MAP2K4: variants seen among roughly 807,000 people sequenced by gnomAD.
MAP2K4 encodes the protein dual specificity mitogen-activated protein kinase kinase 4.
A neutral mutation model predicts 48.5 loss-of-function variants in MAP2K4; 4 were observed. That is an observed-to-expected ratio of 0.08 (90% CI 0.04 to 0.19). MAP2K4 has a LOEUF of 0.19. Ranked by LOEUF, MAP2K4 falls within the 10% of genes least tolerant of loss-of-function variation. The pLI is 1.00. For synonymous variants in MAP2K4, 166 were observed against 173.1 expected (o/e 0.96, Z 0.32); for missense variants, 258 against 493.3 (o/e 0.52, Z 4.52).
At chr17:12,120,759 C>T (rs1312324904) in intron 7 of MAP2K4, among the ~76,000 whole-genome samples, 1 of 152,164 alleles carries the variant, frequency 6.6e-6, no homozygotes, top group African/African-American at 2.4e-5. Flanking sequence ...AGAGGACCCA[C>T]TTCTGGCCCC....
chr17:12,133,309 T>A (rs1003843336), intron 9 of MAP2K4, among the ~76,000 whole-genome samples: 2 of 152,188 alleles, frequency 1.3e-5, no homozygotes, highest in Non-Finnish European at 2.9e-5. Flanking sequence ...CTTGAACTGC[T>A]GACCTCAAGT....
chr17:12,067,320 A>G (rs1036177075), intron 2 of MAP2K4, among the ~76,000 whole-genome samples: 3 of 152,192 alleles, frequency 2.0e-5, no homozygotes, highest in African/African-American at 7.2e-5. Flanking sequence ...GGTAATTTTC[A>G]GCCCTTTTCT....
intron 3 of MAP2K4, among the ~76,000 whole-genome samples, chr17:12,085,474 G>A (rs991601485): frequency 1.3e-5 from 2 of 151,702 alleles, no homozygotes; most frequent in Non-Finnish European, 2.9e-5. Flanking sequence ...TGCATAGGCC[G>A]GACTGAGTTA....
chr17:12,054,794 G>A, intron 1 of MAP2K4, 95 bp from the exon 2 acceptor site: 1 of 690,938 alleles, frequency 1.4e-6, no homozygotes, highest in South Asian at 2.0e-5. Flanking sequence ...GTTAAAGCAA[G>A]TTCTCTTGCC....
chr17:12,044,916 T>A (rs1969913112), intron 1 of MAP2K4, among the ~76,000 whole-genome samples: 1 of 152,260 alleles, frequency 6.6e-6, no homozygotes, highest in African/African-American at 2.4e-5. Context: ...CAGTCATCAG[T>A]CAACTCATTA....
At chr17:12,128,139 G>T (rs148443140) in intron 8 of MAP2K4, among the ~76,000 whole-genome samples, 13 of 152,154 alleles carry the variant, frequency 8.5e-5, no homozygotes, top group African/African-American at 3.1e-4. Context: ...GTGCAGTGGC[G>T]CAATCTCGGC....
At chr17:12,023,886 A>C (rs943597635) in intron 1 of MAP2K4, among the ~76,000 whole-genome samples, 1 of 152,212 alleles carries the variant, frequency 6.6e-6, no homozygotes, top group Non-Finnish European at 1.5e-5. Flanking sequence ...TTGAGAATGC[A>C]TGTAAGCCTG....
At chr17:12,073,803 C>T (rs1002367468) in intron 2 of MAP2K4, among the ~76,000 whole-genome samples, 3 of 140,148 alleles carry the variant, frequency 2.1e-5, no homozygotes, top group South Asian at 4.5e-4. Flanking sequence ...GACGGAGTCT[C>T]GTACTGTTGC....
chr17:12,024,789 C>T (rs547598160), intron 1 of MAP2K4, among the ~76,000 whole-genome samples: 135 of 152,248 alleles, frequency 8.9e-4, no homozygotes, highest in Middle Eastern at 6.8e-3. Flanking sequence ...TTTTAGCCAA[C>T]CTAAAGTACG....
chr17:12,046,324 T>TG (rs2151519958), intron 1 of MAP2K4, among the ~76,000 whole-genome samples: 1 of 152,274 alleles, frequency 6.6e-6, no homozygotes, highest in African/African-American at 2.4e-5. Context: ...AACATGGAAT[T>TG]GGGGTTCGGG....
intron 1 of MAP2K4, among the ~76,000 whole-genome samples, chr17:12,029,067 A>G (rs1208735136): frequency 6.6e-6 from 1 of 152,146 alleles, no homozygotes; most frequent in Admixed American, 6.6e-5. Context: ...TTTTATAAAC[A>G]CTTACACATC....
intron 1 of MAP2K4, chr17:12,021,276 G>C (rs1209969131): frequency 1.7e-5 from 4 of 236,804 alleles, no homozygotes; most frequent in Non-Finnish European, 3.2e-5. Flanking sequence ...GGGCCCACCT[G>C]GTCCGGGACC....
chr17:12,092,648 G>C (rs1172190192), intron 3 of MAP2K4, among the ~76,000 whole-genome samples: 1 of 152,102 alleles, frequency 6.6e-6, no homozygotes, highest in Non-Finnish European at 1.5e-5. Flanking sequence ...ATCCCCTTTT[G>C]GGGTCCTTTA....
intron 9 of MAP2K4, among the ~76,000 whole-genome samples, chr17:12,137,332 A>G (rs2151596710): frequency 6.6e-6 from 1 of 152,358 alleles, no homozygotes; most frequent in African/African-American, 2.4e-5. Flanking sequence ...AAGTTGAAAT[A>G]GATTTATGAA....
intron 3 of MAP2K4, among the ~76,000 whole-genome samples, chr17:12,088,447 T>TATATTAAATATTAA (rs1327457336): frequency 2.2e-5 from 3 of 137,290 alleles, no homozygotes; most frequent in Non-Finnish European, 4.7e-5. Flanking sequence ...ACATATAATA[T>TATATTAAATATTAA]ATATTAAATA....
chr17:12,138,601 A>G (rs1973280213), intron 9 of MAP2K4, among the ~76,000 whole-genome samples: 1 of 152,092 alleles, frequency 6.6e-6, no homozygotes, highest in Non-Finnish European at 1.5e-5. Flanking sequence ...TACAGTTGAA[A>G]TCTGTGTTGC....
chr17:12,032,008 T>C (rs1969454355), intron 1 of MAP2K4, among the ~76,000 whole-genome samples: 2 of 152,134 alleles, frequency 1.3e-5, no homozygotes, highest in South Asian at 2.1e-4. Context: ...TTATTAAATA[T>C]ATATGAAAAA....
chr17:12,045,228 G>A (rs765516536), intron 1 of MAP2K4, among the ~76,000 whole-genome samples: 2 of 152,024 alleles, frequency 1.3e-5, no homozygotes, highest in South Asian at 2.1e-4. Flanking sequence ...TGGAAGCACT[G>A]ATTGAAAAAA....
intron 6 of MAP2K4, among the ~76,000 whole-genome samples, chr17:12,112,570 T>G (rs1281407018): frequency 3.3e-5 from 5 of 152,000 alleles, no homozygotes; most frequent in Non-Finnish European, 1.5e-5. Flanking sequence ...TTTTTGTGGA[T>G]CACCTTCTGA....
Sources: gnomAD v4.1 joint callset for allele counts (sites outside exome capture counted in the v4.1 genomes callset) on GRCh38, gnomAD v4.1.1 for gene constraint, MANE v1.5 for transcripts, NCBI Gene and HGNC (gene_info 2026-07-23, HGNC 2026-07-21) for gene names.